The following LENG8 variants were observed in gnomAD, a reference collection of about 807,000 sequenced individuals.
The protein encoded by LENG8 is leukocyte receptor cluster member 8.
In LENG8, 28 loss-of-function variants were observed where a neutral mutation model predicts 102.1. That is an observed-to-expected ratio of 0.27 (90% CI 0.20 to 0.38). The LOEUF (loss-of-function observed/expected upper bound fraction) is 0.38. Among genes scored for constraint, LENG8 ranks in the 10% least tolerant of loss-of-function variants. LENG8 has a pLI of 1.00. For synonymous variants in LENG8, 531 were observed against 456.7 expected (o/e 1.16, Z -2.07); for missense variants, 1,022 against 1,113.9 (o/e 0.92, Z 1.17).
rs749206054 is a variant in LENG8, at chr19:54,456,832, C to T, written c.1642C>T (p.Leu548=). 5.0e-6 allele frequency: 8 copies of T among 1,610,934 alleles called. No homozygotes were observed. The highest frequency in any genetic ancestry group is 5.9e-6 in the Non-Finnish European group (7 of 1,179,698). ...SSGADPDWQE[L]QIVGTCPDIT... ...TGGGGCTGACCCTGACTGGCAGGAG[C>T]TGCAGATCGTGGGCACCTGCCCTGA... The change falls in exon 11 of 16, where the codon CTG becomes TTG. Residue 548 remains leucine (L), a synonymous_variant. Transcript: ENST00000326764.
At position 54,459,319 on chromosome 19, in the gene LENG8, C is replaced by T. The variant is rs573120036; in HGVS notation, c.2240+798C>T. On this transcript the variant is annotated intron_variant, in intron 15 of 15. Transcript: ENST00000326764. ...AGAAATTCTGGTCGAAGAGGTTGAC[C>T]GGTAGACTGAAGAGGCCTTGAGAGC... 1.4e-4 allele frequency: 136 copies of T among 1,005,856 alleles called. 1 individual carries two copies. The Admixed American group carries it at 3.4e-3, about 25-fold the overall frequency. The allele number at this position is 1,005,856 out of a possible 1,614,324, so 62.3% of individuals were successfully genotyped here.
intron 1 of LENG8, chr19:54,449,539 C>T (rs1436209925): frequency 1.3e-5 from 2 of 152,120 alleles, no homozygotes; most frequent in Admixed American, 6.5e-5. Flanking sequence ...CGTTCCTCTC[C>T]CTTGGAGTTC....
rs368445549 is a variant in LENG8, at chr19:54,454,597, C to G, written c.594C>G (p.Pro198=). 2 of 1,610,132 alleles carry G rather than the reference C, an allele frequency of 1.2e-6. No homozygotes were observed. The highest frequency in any genetic ancestry group is 2.2e-5 in the South Asian group (2 of 90,814). The change falls in exon 6 of 16, where the codon CCC becomes CCG. Residue 198 remains proline (P), a synonymous_variant. Coordinates refer to ENST00000326764, the MANE Select transcript of LENG8 (RefSeq NM_052925.4). The part of the protein sequence containing the change: ...APATQHSQAG[P]ATGQAYGPHT... ...CCACACAGCACAGCCAGGCGGGGCCCGCCACGGGCCAGGCCTATGGGCCAC... is the reference window on the plus strand; with the variant it reads ...CCACACAGCACAGCCAGGCGGGGCCGGCCACGGGCCAGGCCTATGGGCCAC...
chr19:54,459,971 G>A, intron 15 of LENG8: 1 of 1,224,432 alleles, frequency 8.2e-7, no homozygotes, highest in Non-Finnish European at 1.0e-6. Flanking sequence ...ATTGGCCTTG[G>A]TTGGGAACAT....
rs1319811362 is a variant in LENG8, at chr19:54,457,917, T to C, written c.1834-17T>C. The C allele has an allele frequency of 6.2e-7, 1 of 1,614,000 alleles. No homozygotes were observed. Among genetic ancestry groups the C allele is most frequent in the East Asian group, 2.2e-5 (1 of 44,876 alleles). On this transcript the variant is annotated splice_polypyrimidine_tract_variant and intron_variant, in intron 12 of 15. Coordinates refer to ENST00000326764, the MANE Select transcript of LENG8 (RefSeq NM_052925.4). ...CTCCCGCTCCTTGTGACTCTTGTTC[T>C]CGCCCCGCTGCCCCAGGTGCAGGGC... is the stretch of plus-strand genomic sequence containing the variant.
At chr19:54,457,379 C>T (rs1321744832) in intron 11 of LENG8, among the ~76,000 whole-genome samples, 1 of 152,170 alleles carries the variant, frequency 6.6e-6, no homozygotes, top group African/African-American at 2.4e-5. Flanking sequence ...CTGGCTCTGT[C>T]GCCCAAGCTG....
chr19:54,455,251 C>A, intron 7 of LENG8, 113 bp from the exon 8 acceptor site: 1 of 1,494,136 alleles, frequency 6.7e-7, no homozygotes, highest in Non-Finnish European at 9.3e-7. Flanking sequence ...CTGAAGGAGA[C>A]AGAAGGAAAA....
chr19:54,459,924 G>A lies in LENG8; in HGVS notation c.2241-842G>A, dbSNP rs1367031553. ...TCAAGCTTCTGTGCTACACAGGGGT[G>A]TGTGGTTGGGCGAGTGTCCTTGTTA... On this transcript the variant is annotated intron_variant, in intron 15 of 15. Coordinates refer to ENST00000326764, the MANE Select transcript of LENG8 (RefSeq NM_052925.4). 2.5e-6 allele frequency: 3 copies of A among 1,198,436 alleles called. 1 individual carries two copies. In the East Asian group the frequency reaches 1.8e-4, roughly 70 times the overall value. The allele number at this position is 1,198,436 out of a possible 1,614,324, so 74.2% of individuals were successfully genotyped here.
At chr19:54,453,100 G>T (rs1241053129) in intron 4 of LENG8, among the ~76,000 whole-genome samples, 1 of 152,170 alleles carries the variant, frequency 6.6e-6, no homozygotes, top group Non-Finnish European at 1.5e-5. Context: ...CTGCTCAGAT[G>T]CCGCCTTCAG....
intron 15 of LENG8, chr19:54,458,733 C>T: frequency 1.9e-6 from 3 of 1,551,358 alleles, no homozygotes; most frequent in Non-Finnish European, 1.7e-6. Context: ...TCACTCCTCT[C>T]CCTCTCCCCA....
In LENG8 at chr19:54,454,509, C is replaced by G; in HGVS notation, c.506C>G (p.Pro169Arg). The change falls in exon 6 of 16, where the codon CCC becomes CGC. Residue 169 changes from proline to arginine, a missense_variant. Physicochemically the swap from Pro to Arg is moderately radical, Grantham distance 103 (BLOSUM62 -2). This residue lies in a region of LENG8 where 343 missense variants were observed against 320.2 expected (regional missense o/e 1.07). Transcript: ENST00000326764. The stretch of plus-strand genomic sequence containing the variant: ...CTGCCGTCGGCTCAGCCCCCTCAGC[C>G]CTCAAATCCCCCACATGGGGCTCAC... Reference protein sequence around the residue: ...QQLPSAQPPQPSNPPHGAHTL... With the variant: ...QQLPSAQPPQRSNPPHGAHTL... 1 of 1,613,976 alleles carries G rather than the reference C, an allele frequency of 6.2e-7. No homozygotes were observed. Among genetic ancestry groups the G allele is most frequent in the South Asian group, 1.1e-5 (1 of 91,076 alleles).
chr19:54,460,151 T>C (rs1406681288), intron 15 of LENG8: 1 of 1,289,996 alleles, frequency 7.8e-7, no homozygotes, highest in Non-Finnish European at 1.0e-6. Flanking sequence ...AGAAGCGGGT[T>C]CTAGGACTTA....
At position 54,461,079 on chromosome 19, in the gene LENG8, G is replaced by C; in HGVS notation, c.*151G>C. 8 of 1,168,978 alleles carry C rather than the reference G, an allele frequency of 6.8e-6. No homozygotes were observed. The highest frequency in any genetic ancestry group is 4.3e-5 in the Admixed American group (2 of 47,046). The allele number at this position is 1,168,978 out of a possible 1,614,324, so 72.4% of individuals were successfully genotyped here. A position where few individuals can be genotyped will look rare whatever the true frequency, so the allele number is the denominator to read the frequency against. On this transcript the variant is annotated 3_prime_UTR_variant, in exon 16 of 16. Transcript: ENST00000326764. ...CCATCCCTGCCCCCGTTTTCCCACC[G>C]GGGAGTCTGTACAGAGATTTTTCTA...
chr19:54,460,719 G>GGCCCACC, intron 15 of LENG8, 47 bp from the exon 16 acceptor site: 1 of 778,918 alleles, frequency 1.3e-6, no homozygotes, highest in Non-Finnish European at 1.8e-6. Flanking sequence ...GCCCTCCCCT[G>GGCCCACC]CCCTCCCGCC....
chr19:54,460,741 TCAC>T, intron 15 of LENG8, 22 bp from the exon 16 acceptor site: 1 of 305,150 alleles, frequency 3.3e-6, no homozygotes, highest in Admixed American at 5.6e-5. Flanking sequence ...GCCCGCCTCA[TCAC>T]CTTCTCCTCT....
intron 13 of LENG8, 39 bp downstream of exon 13, chr19:54,458,041 G>C: frequency 4.3e-6 from 7 of 1,612,276 alleles, no homozygotes; most frequent in Non-Finnish European, 5.9e-6. Flanking sequence ...CCCCTTTCCT[G>C]CTGCCGTTCT....
rs373827414 is a variant in LENG8, at chr19:54,456,078, G to A, written c.1137G>A (p.Pro379=). The change falls in exon 9 of 16, where the codon CCG becomes CCA. Residue 379 remains proline (P), a synonymous_variant. Transcript: ENST00000326764. ...AGSATRGGGA[P]SQRGTPGAGG... ...CGGCGACAAGGGGCGGGGGTGCCCC[G>A]TCCCAGCGAGGGACGCCCGGGGCTG... 2.4e-5 allele frequency: 38 copies of A among 1,608,678 alleles called. No homozygotes were observed. Among genetic ancestry groups the A allele is most frequent in the East Asian group, 6.7e-5 (3 of 44,772 alleles).
chr19:54,458,808 T>C, intron 15 of LENG8: 1 of 1,551,092 alleles, frequency 6.4e-7, no homozygotes, highest in Non-Finnish European at 8.7e-7. Flanking sequence ...TTCCTCCTGT[T>C]CTCTCCTGCC....
At position 54,455,175 on chromosome 19, in the gene LENG8, C is replaced by G. The variant is rs1599974823; in HGVS notation, c.821+83C>G. 4 of 1,583,168 alleles carry G rather than the reference C, an allele frequency of 2.5e-6. No individual in the cohort carries two copies. In the East Asian group the frequency reaches 9.0e-5, roughly 36 times the overall value. Reference sequence around the variant, plus strand: ...TCCAGTCCCACTGGCCAGCTGCCCACCCTGAGCCTCAGTGTGCGCCTCTGA... The same window carrying G: ...TCCAGTCCCACTGGCCAGCTGCCCAGCCTGAGCCTCAGTGTGCGCCTCTGA... On this transcript the variant is annotated intron_variant, in intron 7 of 15. Transcript: ENST00000326764.
Sources: gnomAD v4.1 joint callset for allele counts (sites outside exome capture counted in the v4.1 genomes callset) on GRCh38, gnomAD v4.1.1 for gene constraint, gnomAD v4.1.1 regional missense constraint, MANE v1.5 for transcripts, NCBI Gene and HGNC (gene_info 2026-07-23, HGNC 2026-07-21) for gene names.